Variants in JAKMIP3 observed in about 807,000 individuals in gnomAD.
The protein encoded by JAKMIP3 is Janus kinase and microtubule interacting protein 3.
Under a neutral mutation model 118.5 loss-of-function variants are expected in JAKMIP3, and 58 were observed. That is an observed-to-expected ratio of 0.49 (90% CI 0.40 to 0.61). JAKMIP3 has a LOEUF of 0.61. JAKMIP3 is among the 20% of genes least tolerant of loss of function. The pLI, the probability that JAKMIP3 is intolerant of heterozygous loss-of-function variation, is 0.00. For synonymous variants in JAKMIP3, 486 were observed against 451.2 expected (o/e 1.08, Z -0.98); for missense variants, 950 against 1,109.0 (o/e 0.86, Z 2.04).
At chr10:132,056,637 A>G (rs1001602000) in intron 1 of JAKMIP3, among the ~76,000 whole-genome samples, 2 of 152,194 alleles carry the variant, frequency 1.3e-5, no homozygotes, top group Non-Finnish European at 2.9e-5. Flanking sequence ...GAGGCAGATC[A>G]TGCCTGTCAT....
intron 1 of JAKMIP3, among the ~76,000 whole-genome samples, chr10:132,043,548 GTTTTAGT>G (rs896885061): frequency 2.4e-4 from 37 of 152,338 alleles, no homozygotes; most frequent in Admixed American, 2.3e-3. Flanking sequence ...CTTCTTTCCT[GTTTTAGT>G]TTTTAAATGT....
chr10:132,134,441 A>C (rs2051307323), intron 4 of JAKMIP3, among the ~76,000 whole-genome samples: 1 of 152,226 alleles, frequency 6.6e-6, no homozygotes, highest in Non-Finnish European at 1.5e-5. Context: ...CACTCCAGAG[A>C]GATCTGAAAC....
chr10:132,116,996 G>T (rs1303551335), intron 2 of JAKMIP3, 81 bp from the exon 3 acceptor site: 1 of 1,480,642 alleles, frequency 6.8e-7, no homozygotes, highest in Non-Finnish European at 9.1e-7. Flanking sequence ...CAACGTGGAA[G>T]CTCCCCCAAA....
chr10:132,152,636 C>T (rs963950838), intron 16 of JAKMIP3, among the ~76,000 whole-genome samples: 17 of 152,174 alleles, frequency 1.1e-4, no homozygotes, highest in African/African-American at 3.9e-4. Context: ...AGAGCAGCAG[C>T]CACTGCTGGG....
At chr10:132,045,195 T>G (rs9419320) in intron 1 of JAKMIP3, among the ~76,000 whole-genome samples, 119,178 of 151,978 alleles carry the variant, frequency 0.78, 47,363 homozygotes, top group East Asian at 1. Flanking sequence ...TCCATTCTGT[T>G]CCGTTTTGAT....
rs777633805 is a variant in JAKMIP3 at position 132,168,691 on chromosome 10, C to T, written c.*761C>T. On this transcript the variant is annotated 3_prime_UTR_variant, in exon 23 of 24. Coordinates refer to ENST00000684848, the MANE Select transcript of JAKMIP3 (RefSeq NM_001323087.2). ...CCGCCCAAGCCGCCAGCTGGGAGCA[C>T]CGCGGGACTGAGCCAAGGAAGGCGT... 1.6e-5 allele frequency: 5 copies of T among 315,028 alleles called. No homozygotes were observed. The highest frequency in any genetic ancestry group is 9.7e-5 in the Admixed American group (2 of 20,664). 19.5% of individuals were successfully genotyped at this position (315,028 alleles called of 1,614,324 possible).
intron 14 of JAKMIP3, among the ~76,000 whole-genome samples, chr10:132,149,034 C>T (rs1469054002): frequency 6.6e-6 from 1 of 152,176 alleles, no homozygotes; most frequent in Non-Finnish European, 1.5e-5. Flanking sequence ...AGCCTGTGTT[C>T]TCCAGAGGCT....
At chr10:132,072,827 G>A (rs551553268) in intron 1 of JAKMIP3, among the ~76,000 whole-genome samples, 1 of 151,936 alleles carries the variant, frequency 6.6e-6, no homozygotes, top group African/African-American at 2.4e-5. Flanking sequence ...GTACAGTGGC[G>A]ACGGCTGGGC....
At chr10:132,139,947 G>C (rs1456110645) in intron 9 of JAKMIP3, among the ~76,000 whole-genome samples, 1 of 152,168 alleles carries the variant, frequency 6.6e-6, no homozygotes, top group Non-Finnish European at 1.5e-5. Context: ...AGGGGTGAGG[G>C]GGCCCTAAAG....
intron 3 of JAKMIP3, among the ~76,000 whole-genome samples, chr10:132,130,531 G>A (rs2135628355): frequency 6.6e-6 from 1 of 152,352 alleles, no homozygotes; most frequent in Middle Eastern, 3.4e-3. Context: ...ACGCCTGCCA[G>A]ACGTGAGGGC....
chr10:132,132,054 G>C (rs1373161398), intron 3 of JAKMIP3, among the ~76,000 whole-genome samples: 1 of 152,198 alleles, frequency 6.6e-6, no homozygotes, highest in Non-Finnish European at 1.5e-5. Flanking sequence ...TTATTTCACC[G>C]GCCCCATTCC....
intron 23 of JAKMIP3, among the ~76,000 whole-genome samples, chr10:132,171,545 T>C (rs1055602013): frequency 6.6e-6 from 1 of 152,180 alleles, no homozygotes; most frequent in Non-Finnish European, 1.5e-5. Flanking sequence ...TTTCCCCAAC[T>C]GTTTATTTTG....
rs1290806061 is a variant in JAKMIP3, at chr10:132,140,853, C to T, written c.1473+274C>T. 2.0e-5 allele frequency among the ~76,000 whole-genome samples: 3 copies of T among 152,218 alleles called. No homozygotes were observed. In the East Asian group the frequency reaches 5.8e-4, roughly 29 times the overall value. On this transcript the variant is annotated intron_variant, in intron 10 of 23. Coordinates refer to ENST00000684848, the MANE Select transcript of JAKMIP3 (RefSeq NM_001323087.2). ...TCCCATGAAGGCCAAACCATGCCTCCTTCTGCCACTGAGCCTACGCCCCTT... is the reference window on the plus strand; with the variant it reads ...TCCCATGAAGGCCAAACCATGCCTCTTTCTGCCACTGAGCCTACGCCCCTT...
chr10:132,158,529 A>G (rs556411788), intron 19 of JAKMIP3, among the ~76,000 whole-genome samples: 3 of 152,370 alleles, frequency 2.0e-5, no homozygotes, highest in Admixed American at 6.5e-5. Context: ...TTCAGCCCCA[A>G]AGACCAGTGG....
intron 19 of JAKMIP3, among the ~76,000 whole-genome samples, chr10:132,155,437 T>C (rs2056975842): frequency 1.3e-5 from 2 of 152,220 alleles, no homozygotes; most frequent in South Asian, 2.1e-4. Context: ...TAGGCATCTC[T>C]CCTTCCTGCA....
In JAKMIP3 at chr10:132,058,727, G is replaced by A. The variant is rs558251259; in HGVS notation, c.-138+21989G>A. The stretch of plus-strand genomic sequence containing the variant: ...CCCGGCTGTTGGAAAATCACAGGTT[G>A]TCTTGATGGGTGCTGCATCCAGATG... On this transcript the variant is annotated intron_variant, in intron 1 of 23. Transcript: ENST00000657785. 1.9e-4 allele frequency among the ~76,000 whole-genome samples: 29 copies of A among 152,380 alleles called. No homozygotes were observed. The South Asian group carries it at 5.6e-3, about 29-fold the overall frequency.
chr10:132,139,773 G>T (rs527252611), intron 9 of JAKMIP3, among the ~76,000 whole-genome samples: 384 of 152,180 alleles, frequency 2.5e-3, no homozygotes, highest in Non-Finnish European at 4.6e-3. Context: ...GGTGGCCCTG[G>T]GGTCCCTGAG....
intron 1 of JAKMIP3, among the ~76,000 whole-genome samples, chr10:132,092,404 C>T (rs1398386499): frequency 6.6e-6 from 1 of 152,242 alleles, no homozygotes; most frequent in Non-Finnish European, 1.5e-5. Flanking sequence ...TCAGGTACAT[C>T]AGTCAGACAT....
chr10:132,093,639 CG>C (rs1677738416), intron 1 of JAKMIP3, among the ~76,000 whole-genome samples: 1 of 152,170 alleles, frequency 6.6e-6, no homozygotes, highest in Non-Finnish European at 1.5e-5. Flanking sequence ...TGTCCATCAC[CG>C]CTTCCCTTGG....
Sources: allele counts gnomAD v4.1 joint callset (sites outside exome capture counted in the v4.1 genomes callset), GRCh38; gene constraint gnomAD v4.1.1; transcripts MANE v1.5; gene names NCBI Gene and HGNC (gene_info 2026-07-23, HGNC 2026-07-21).